Variants in PTGER3 observed in about 807,000 individuals in gnomAD.
The protein encoded by PTGER3 is prostaglandin E2 receptor EP3 subtype.
A neutral mutation model predicts 34.7 loss-of-function variants in PTGER3; 22 were observed. The ratio of observed to expected loss-of-function variants is 0.63; its 90% confidence interval spans 0.45 to 0.91. The LOEUF is 0.91. Ranked by LOEUF, PTGER3 falls within the 40% of genes least tolerant of loss-of-function variation. The pLI, the probability that PTGER3 is intolerant of heterozygous loss-of-function variation, is 0.00. For synonymous variants in PTGER3, 241 were observed against 230.1 expected (o/e 1.05, Z -0.43); for missense variants, 468 against 519.4 (o/e 0.90, Z 0.96).
At chr1:70,997,404 T>C (rs1419559884) in intron 2 of PTGER3, among the ~76,000 whole-genome samples, 8 of 152,262 alleles carry the variant, frequency 5.3e-5, no homozygotes, top group Admixed American at 5.2e-4. Context: ...ATGATAGATT[T>C]ATTCTTCTGA....
At position 70,922,867 on chromosome 1, in the gene PTGER3, A is replaced by G. The variant is rs569393925; in HGVS notation, c.*23+30896T>C. Among the ~76,000 whole-genome samples the G allele has an allele frequency of 9.2e-5, 14 of 152,334 alleles. No homozygotes were observed. The South Asian group carries it at 2.7e-3, about 29-fold the overall frequency. ...GAAGGTTTGTGAAAAATTAATTGTA[A>G]AAGAAATTCTGTGTGTGAACACACT... On this transcript the variant is annotated intron_variant, in intron 4 of 4. Coordinates refer to the PTGER3 transcript ENST00000370931.
chr1:70,891,944 T>C (rs1646626663), intron 4 of PTGER3, among the ~76,000 whole-genome samples: 1 of 152,210 alleles, frequency 6.6e-6, no homozygotes, highest in South Asian at 2.1e-4. Context: ...GGTAGTAATG[T>C]TATACGGAAA....
chr1:70,892,295 T>A (rs939312738), intron 4 of PTGER3, among the ~76,000 whole-genome samples: 4 of 152,220 alleles, frequency 2.6e-5, no homozygotes, highest in African/African-American at 9.6e-5. Context: ...ACCTCACATG[T>A]TCCTTCTAAG....
chr1:70,967,700 A>G (rs1652672773), downstream of PTGER3, among the ~76,000 whole-genome samples: 1 of 152,206 alleles, frequency 6.6e-6, no homozygotes, highest in East Asian at 1.9e-4. Flanking sequence ...TATCTTAAGA[A>G]CAGTTTTCTT....
intron 2 of PTGER3, among the ~76,000 whole-genome samples, chr1:70,986,674 T>A (rs965855523): frequency 6.6e-6 from 1 of 152,176 alleles, no homozygotes; most frequent in African/African-American, 2.4e-5. Flanking sequence ...AAGGGCAGGA[T>A]CAGGACCTGC....
chr1:71,018,449 C>T (rs1320771589), intron 1 of PTGER3, among the ~76,000 whole-genome samples: 1 of 152,046 alleles, frequency 6.6e-6, no homozygotes, highest in Non-Finnish European at 1.5e-5. Flanking sequence ...ACTCAGTTGG[C>T]TTTATGAAAA....
At chr1:71,016,794 C>A (rs1657944126) in intron 1 of PTGER3, among the ~76,000 whole-genome samples, 1 of 138,868 alleles carries the variant, frequency 7.2e-6, no homozygotes, top group Non-Finnish European at 1.6e-5. Flanking sequence ...CAGAGTGAGA[C>A]TTGGGCTCAA....
At chr1:70,946,098 C>G in intron 4 of PTGER3, among the ~76,000 whole-genome samples, 1 of 152,060 alleles carries the variant, frequency 6.6e-6, no homozygotes, top group Non-Finnish European at 1.5e-5. Flanking sequence ...GTGTTGATAT[C>G]TGCTTTCCCT....
intron 4 of PTGER3, among the ~76,000 whole-genome samples, chr1:70,892,661 T>A (rs1368816651): frequency 2.0e-5 from 3 of 151,784 alleles, no homozygotes; most frequent in Non-Finnish European, 2.9e-5. Context: ...GCCAACATGG[T>A]GAAACCCCGT....
At chr1:70,991,262 C>T (rs1484630687) in intron 2 of PTGER3, among the ~76,000 whole-genome samples, 1 of 152,144 alleles carries the variant, frequency 6.6e-6, no homozygotes, top group African/African-American at 2.4e-5. Context: ...GGCCTGTGCA[C>T]ATTACACTTT....
intron 3 of PTGER3, among the ~76,000 whole-genome samples, chr1:70,973,253 A>AGAT: frequency 6.7e-6 from 1 of 148,722 alleles, no homozygotes; most frequent in Admixed American, 6.7e-5. Flanking sequence ...ATAGATAGAT[A>AGAT]GATAGATAGA....
At chr1:70,995,793 AT>A (rs1196482504) in intron 2 of PTGER3, among the ~76,000 whole-genome samples, 1 of 152,196 alleles carries the variant, frequency 6.6e-6, no homozygotes, top group African/African-American at 2.4e-5. Context: ...ATTATTTTAC[AT>A]TTATCACTAT....
intron 4 of PTGER3, among the ~76,000 whole-genome samples, chr1:70,899,418 T>G (rs368422874): frequency 6.6e-6 from 1 of 152,126 alleles, no homozygotes; most frequent in Non-Finnish European, 1.5e-5. Flanking sequence ...AAAGCATGAA[T>G]GAAAATTGAT....
chr1:70,859,534 A>G (rs908084478), intron 4 of PTGER3, among the ~76,000 whole-genome samples: 1 of 152,210 alleles, frequency 6.6e-6, no homozygotes, highest in African/African-American at 2.4e-5. Flanking sequence ...TGTAGTTGGC[A>G]CTGTAATTTT....
chr1:70,898,711 T>C (rs897394989), intron 4 of PTGER3, among the ~76,000 whole-genome samples: 1 of 152,196 alleles, frequency 6.6e-6, no homozygotes, highest in African/African-American at 2.4e-5. Context: ...ATGAGGGTAA[T>C]AATAGTATTT....
chr1:70,951,123 C>T (rs1650722866), downstream of PTGER3: 1 of 152,202 alleles, frequency 6.6e-6, no homozygotes, highest in South Asian at 2.1e-4. Flanking sequence ...CGATTGCATG[C>T]TTAATTACTT....
rs188031962 is a variant in PTGER3 at position 70,943,912 on chromosome 1, C to T, written c.*23+9851G>A. ...CCAGTTAATTTTCATTTTCTCATTT[C>T]GGTTCCTTATGAGGCCTATGGCACT... On this transcript the variant is annotated intron_variant, in intron 4 of 4. Transcript: ENST00000370931. Among the ~76,000 whole-genome samples the T allele has an allele frequency of 3.0e-3, 454 of 151,074 alleles. 2 individuals are homozygous for T. The highest frequency in any genetic ancestry group is 7.6e-3 in the East Asian group (39 of 5,144).
intron 4 of PTGER3, among the ~76,000 whole-genome samples, chr1:70,919,964 T>C (rs1647367328): frequency 6.6e-6 from 1 of 152,162 alleles, no homozygotes; most frequent in Admixed American, 6.6e-5. Flanking sequence ...AGGTAAGATA[T>C]CTTGCCAATT....
intron 4 of PTGER3, chr1:70,862,360 T>C (rs749449869): frequency 2.9e-6 from 4 of 1,367,140 alleles, no homozygotes; most frequent in Non-Finnish European, 3.9e-6. Context: ...CAGATTTATC[T>C]TCAAGTCATC....
Sources: allele counts gnomAD v4.1 joint callset (sites outside exome capture counted in the v4.1 genomes callset), GRCh38; gene constraint gnomAD v4.1.1; transcripts MANE v1.5; gene names NCBI Gene and HGNC (gene_info 2026-07-23, HGNC 2026-07-21).